DGKB: variants seen among roughly 807,000 people sequenced by gnomAD.
The protein encoded by DGKB is diacylglycerol kinase beta.
A neutral mutation model predicts 114.3 loss-of-function variants in DGKB; 67 were observed. That is an observed-to-expected ratio of 0.59 (90% CI 0.48 to 0.72). The LOEUF (loss-of-function observed/expected upper bound fraction) is 0.72. Ranked by LOEUF, DGKB falls within the 30% of genes least tolerant of loss-of-function variation. DGKB has a pLI of 0.00. For missense variants in DGKB, 907 were observed against 975.2 expected, an observed-to-expected ratio of 0.93 and a Z score of 0.93; for synonymous variants, 398 against 323.1, an observed-to-expected ratio of 1.23 and a Z score of -2.49.
chr7:14,958,786 T>C (rs1786670372), intron 1 of DGKB, among the ~76,000 whole-genome samples: 2 of 152,072 alleles, frequency 1.3e-5, no homozygotes, highest in South Asian at 4.1e-4. Flanking sequence ...GAGCTGGATG[T>C]TGTGAGGATG....
chr7:14,747,775 G>GCGCGCGCGCACACACACACACACACA, intron 4 of DGKB, among the ~76,000 whole-genome samples: 8 of 149,178 alleles, frequency 5.4e-5, no homozygotes, highest in African/African-American at 2.0e-4. Context: ...ACATCCACGC[G>GCGCGCGCGCACACACACACACACACA]CACGCACACA....
At chr7:14,554,756 C>T (rs1183425880) in intron 20 of DGKB, among the ~76,000 whole-genome samples, 1 of 151,844 alleles carries the variant, frequency 6.6e-6, no homozygotes, top group Non-Finnish European at 1.5e-5. Context: ...AATATGGTAA[C>T]CTATTGCATA....
rs529103953 is a variant in DGKB at position 14,547,959 on chromosome 7, A to AT, written c.1770+26252dup. Among the ~76,000 whole-genome samples, 23 of 152,352 alleles carry AT rather than the reference A, an allele frequency of 1.5e-4. 1 individual carries two copies. The East Asian group carries it at 3.9e-3, about 26-fold the overall frequency. On this transcript the variant is annotated intron_variant, in intron 20 of 25. Transcript: ENST00000402815. ...CCACATTCTAAATTCTTCAGCACAC[A>AT]TTACACAGCTTTTTACTATTCCCAT...
At chr7:14,918,066 G>T (rs944808305) in intron 1 of DGKB, among the ~76,000 whole-genome samples, 3 of 152,050 alleles carry the variant, frequency 2.0e-5, no homozygotes, top group Admixed American at 2.0e-4. Flanking sequence ...CATTCTTCAT[G>T]AAAAATCTCA....
At chr7:14,479,888 G>T (rs189477863) in intron 20 of DGKB, among the ~76,000 whole-genome samples, 1 of 151,998 alleles carries the variant, frequency 6.6e-6, no homozygotes, top group African/African-American at 2.4e-5. Context: ...ACATTCAGCA[G>T]ACTAGTTAAA....
At chr7:14,473,292 A>G (rs962053827) in intron 21 of DGKB, among the ~76,000 whole-genome samples, 2 of 152,218 alleles carry the variant, frequency 1.3e-5, no homozygotes, top group African/African-American at 4.8e-5. Flanking sequence ...AGCTCAAACC[A>G]TAGCTTCAGA....
intron 13 of DGKB, among the ~76,000 whole-genome samples, chr7:14,670,275 A>T (rs1481922134): frequency 1.4e-5 from 2 of 144,278 alleles, no homozygotes; most frequent in East Asian, 4.5e-4. Context: ...GATTTTCAGT[A>T]TGTTATACTA....
chr7:14,211,471 T>C (rs1397527991), intron 23 of DGKB, among the ~76,000 whole-genome samples: 4 of 61,994 alleles, frequency 6.5e-5, no homozygotes, highest in African/African-American at 4.1e-4. Flanking sequence ...TTTGTGATTT[T>C]ACTCTCATGT....
chr7:14,656,395 T>G lies in DGKB; in HGVS notation c.1134+16534A>C, dbSNP rs570595935. ...AGGTTTTTGGATATTTAAATTTTGG[T>G]TTTTTTTTCTAGGTTTGAGGTCAGC... On this transcript the variant is annotated intron_variant, in intron 13 of 25. Transcript: ENST00000402815. 8.8e-4 allele frequency among the ~76,000 whole-genome samples: 119 copies of G among 135,486 alleles called. 2 individuals are homozygous for G. In the South Asian group the frequency reaches 0.018, roughly 21 times the overall value. The allele number at this position is 135,486 out of a possible 152,430, so 88.9% of individuals were successfully genotyped here. A position where few individuals can be genotyped will look rare whatever the true frequency, so the allele number is the denominator to read the frequency against.
rs911762201 is a variant in DGKB at position 14,880,450 on chromosome 7, T to G, written c.-188+22142A>C. 3.3e-5 allele frequency among the ~76,000 whole-genome samples: 5 copies of G among 152,116 alleles called. No homozygotes were observed. The South Asian group carries it at 1.0e-3, about 32-fold the overall frequency. ...TCCAGCCTTGGCAACAGAGTGAGAC[T>G]CCATCTCAAATAAATAAATAAATAA... On this transcript the variant is annotated intron_variant, in intron 1 of 25. Coordinates refer to ENST00000402815, the MANE Select transcript of DGKB (RefSeq NM_001350709.2).
chr7:14,973,110 T>C (rs1271878589), intron 1 of DGKB, among the ~76,000 whole-genome samples: 3 of 151,976 alleles, frequency 2.0e-5, no homozygotes, highest in Non-Finnish European at 4.4e-5. Context: ...AAAATAAATC[T>C]CTTACAAGGC....
At chr7:14,339,998 A>G (rs1383332633) in intron 22 of DGKB, among the ~76,000 whole-genome samples, 1 of 151,890 alleles carries the variant, frequency 6.6e-6, no homozygotes, top group Non-Finnish European at 1.5e-5. Context: ...GCCTCATCAT[A>G]CTGAAGCTAG....
At chr7:14,693,747 A>G (rs1053715930) in intron 9 of DGKB, among the ~76,000 whole-genome samples, 7 of 152,044 alleles carry the variant, frequency 4.6e-5, no homozygotes, top group African/African-American at 1.4e-4. Context: ...GCAAAATACA[A>G]TAATACTGGA....
chr7:14,883,949 T>A (rs1368746434), intron 1 of DGKB, among the ~76,000 whole-genome samples: 2 of 152,118 alleles, frequency 1.3e-5, no homozygotes, highest in African/African-American at 4.8e-5. Flanking sequence ...CCGTCACTTA[T>A]CACAGTGACA....
intron 12 of DGKB, among the ~76,000 whole-genome samples, chr7:14,680,525 T>C (rs183264461): frequency 2.0e-5 from 3 of 151,988 alleles, no homozygotes; most frequent in Admixed American, 2.0e-4. Context: ...GGGCTAGGTG[T>C]GGATTCTGAA....
At chr7:14,201,981 A>G (rs2128290369) in intron 23 of DGKB, among the ~76,000 whole-genome samples, 1 of 152,118 alleles carries the variant, frequency 6.6e-6, no homozygotes, top group African/African-American at 2.4e-5. Context: ...GGGTAGACTC[A>G]CCTTTAAATT....
chr7:14,296,098 C>A (rs572833196), intron 23 of DGKB, among the ~76,000 whole-genome samples: 7 of 149,990 alleles, frequency 4.7e-5, no homozygotes, highest in African/African-American at 1.7e-4. Flanking sequence ...GAGGCACAAT[C>A]TCGGCACACT....
At chr7:14,585,235 T>C (rs1355375901) in intron 17 of DGKB, among the ~76,000 whole-genome samples, 1 of 152,188 alleles carries the variant, frequency 6.6e-6, no homozygotes, top group African/African-American at 2.4e-5. Flanking sequence ...ATACTCATTG[T>C]TTTGCTTATA....
intron 20 of DGKB, among the ~76,000 whole-genome samples, chr7:14,510,880 G>C (rs776023440): frequency 5.3e-5 from 8 of 152,200 alleles, no homozygotes; most frequent in Non-Finnish European, 1.2e-4. Context: ...TGGGTAACTA[G>C]GTACATTGCA....
Sources: gnomAD v4.1 joint callset for allele counts (sites outside exome capture counted in the v4.1 genomes callset) on GRCh38, gnomAD v4.1.1 for gene constraint, MANE v1.5 for transcripts, NCBI Gene and HGNC (gene_info 2026-07-23, HGNC 2026-07-21) for gene names.